Variants in RBFOX1 observed in about 807,000 individuals in gnomAD.
RBFOX1 encodes the protein RNA binding fox-1 homolog 1.
RBFOX1 carries 8 observed loss-of-function variants against 57.7 expected under a neutral mutation model. That is an observed-to-expected ratio of 0.14 (90% confidence interval 0.08 to 0.25). The LOEUF is 0.25. Among genes scored for constraint, RBFOX1 ranks in the 10% least tolerant of loss-of-function variants. The probability of loss-of-function intolerance (pLI) is 1.00; values close to 1 mark genes in which losing one functional copy is unlikely to be tolerated. For synonymous variants in RBFOX1, 326 were observed against 222.4 expected (o/e 1.47, Z -4.15); for missense variants, 611 against 548.5 (o/e 1.11, Z -1.14).
In RBFOX1 at chr16:6,375,505, C is replaced by T. The variant is rs554306901; in HGVS notation, c.-64+58448C>T. Among the ~76,000 whole-genome samples the T allele has an allele frequency of 1.0e-3, 156 of 151,868 alleles. 3 individuals are homozygous for T. In the South Asian group the frequency reaches 0.031, roughly 31 times the overall value. ...TTTTAGGCAGATGATCGTTTCTGGG[C>T]AGGGGGAAAATGCCAAAGCCTGTGC... On this transcript the variant is annotated intron_variant, in intron 2 of 15. Transcript: ENST00000550418.
intron 1 of RBFOX1, among the ~76,000 whole-genome samples, chr16:6,077,711 C>T (rs28367153): frequency 4.1e-4 from 23 of 55,538 alleles, no homozygotes; most frequent in Non-Finnish European, 7.0e-4. Flanking sequence ...TTTATTTATT[C>T]ATTTATGTAT....
intron 3 of RBFOX1, among the ~76,000 whole-genome samples, chr16:5,763,160 A>T (rs35940530): frequency 3.9e-5 from 6 of 152,116 alleles, no homozygotes; most frequent in African/African-American, 1.5e-4. Context: ...ATCTGGCTGG[A>T]TTAGAAGTCC....
chr16:7,379,760 G>T (rs1410916493), intron 4 of RBFOX1, among the ~76,000 whole-genome samples: 1 of 150,406 alleles, frequency 6.6e-6, no homozygotes, highest in Non-Finnish European at 1.5e-5. Flanking sequence ...CTGCCTGCCT[G>T]CCTGCCTTCC....
At chr16:7,646,759 C>T (rs1246238917) in intron 11 of RBFOX1, among the ~76,000 whole-genome samples, 3 of 152,224 alleles carry the variant, frequency 2.0e-5, no homozygotes, top group Non-Finnish European at 2.9e-5. Flanking sequence ...CTTTAATATG[C>T]AGTTTATAAC....
rs190374461 is a variant in RBFOX1, at chr16:6,658,065, C to G, written c.-16+3415C>G. 4.0e-4 allele frequency among the ~76,000 whole-genome samples: 61 copies of G among 152,138 alleles called. No homozygotes were observed. In the East Asian group the frequency reaches 7.9e-3, roughly 20 times the overall value. On this transcript the variant is annotated intron_variant, in intron 3 of 15. Transcript: ENST00000550418. The stretch of plus-strand genomic sequence containing the variant: ...CTTGATAGAAGAATTTTAGAAAAGA[C>G]AAAACCTTAGGTTTTCCATGGAGTC...
At chr16:6,865,386 C>T (rs901620534) in intron 3 of RBFOX1, among the ~76,000 whole-genome samples, 1 of 151,926 alleles carries the variant, frequency 6.6e-6, no homozygotes, top group African/African-American at 2.4e-5. Flanking sequence ...CAGAAAAACA[C>T]AAAGAAGAAA....
Position 6,580,100 on chromosome 16 carries a change from A to G in RBFOX1, c.-63-74503A>G, listed in dbSNP as rs139251953. On this transcript the variant is annotated intron_variant, in intron 2 of 15. Coordinates refer to ENST00000550418, the MANE Select transcript of RBFOX1 (RefSeq NM_018723.4). ...CAGCCTCCCAGGTAGCTGGGATTACAGGTGCCCACCACCGCACCTAGCTAA... is the reference window on the plus strand; with the variant it reads ...CAGCCTCCCAGGTAGCTGGGATTACGGGTGCCCACCACCGCACCTAGCTAA... Among the ~76,000 whole-genome samples, 529 of 152,124 alleles carry G rather than the reference A, an allele frequency of 3.5e-3. 1 individual carries two copies. The highest frequency in any genetic ancestry group is 5.7e-3 in the Non-Finnish European group (390 of 68,002).
intron 2 of RBFOX1, among the ~76,000 whole-genome samples, chr16:6,546,030 C>A (rs772672956): frequency 1.3e-5 from 2 of 152,158 alleles, no homozygotes; most frequent in African/African-American, 4.8e-5. Context: ...AAATAAAATA[C>A]ACAAACACTA....
chr16:7,196,575 G>A (rs2086755539), intron 4 of RBFOX1, among the ~76,000 whole-genome samples: 1 of 152,138 alleles, frequency 6.6e-6, no homozygotes, highest in Non-Finnish European at 1.5e-5. Flanking sequence ...ACAATCCTGA[G>A]CCATGAATAT....
chr16:5,921,591 G>A (rs2058822899), intron 4 of RBFOX1, among the ~76,000 whole-genome samples: 1 of 151,888 alleles, frequency 6.6e-6, no homozygotes, highest in Non-Finnish European at 1.5e-5. Context: ...GTAATGAAGG[G>A]GATGAGAAAT....
At chr16:5,493,688 C>T (rs1418733076) in intron 2 of RBFOX1, among the ~76,000 whole-genome samples, 1 of 152,216 alleles carries the variant, frequency 6.6e-6, no homozygotes, top group East Asian at 1.9e-4. Flanking sequence ...CCAGTGAGGC[C>T]ATGCCGAGTG....
chr16:7,070,088 G>A (rs1352277043), intron 4 of RBFOX1, among the ~76,000 whole-genome samples: 1 of 152,158 alleles, frequency 6.6e-6, no homozygotes, highest in African/African-American at 2.4e-5. Context: ...GTTGTAGGAT[G>A]TGGATTCTTG....
At chr16:7,045,520 C>T (rs544167771) in intron 3 of RBFOX1, among the ~76,000 whole-genome samples, 1 of 152,176 alleles carries the variant, frequency 6.6e-6, no homozygotes, top group African/African-American at 2.4e-5. Context: ...AATGTGGTGC[C>T]ACTTCACATG....
chr16:7,075,741 C>A (rs12931221), intron 4 of RBFOX1, among the ~76,000 whole-genome samples: 1 of 151,804 alleles, frequency 6.6e-6, no homozygotes, highest in African/African-American at 2.4e-5. Context: ...CCACCACGCT[C>A]GGCTAATTTT....
chr16:7,168,296 G>A (rs2079980091), intron 4 of RBFOX1, among the ~76,000 whole-genome samples: 1 of 152,078 alleles, frequency 6.6e-6, no homozygotes, highest in Non-Finnish European at 1.5e-5. Context: ...AGCATGAAAT[G>A]GACCAAGGTC....
intron 3 of RBFOX1, among the ~76,000 whole-genome samples, chr16:6,835,437 A>G (rs1459162527): frequency 6.6e-6 from 1 of 152,080 alleles, no homozygotes; most frequent in Admixed American, 6.5e-5. Context: ...TCCAAATCTC[A>G]GTGCCTTAAC....
intron 3 of RBFOX1, among the ~76,000 whole-genome samples, chr16:6,663,677 C>T (rs1465929883): frequency 2.0e-5 from 3 of 152,188 alleles, no homozygotes; most frequent in Non-Finnish European, 4.4e-5. Flanking sequence ...TTTCTGTTTC[C>T]AATGTCCTTT....
At chr16:7,447,558 C>T (rs1412749315) in intron 4 of RBFOX1, among the ~76,000 whole-genome samples, 1 of 152,106 alleles carries the variant, frequency 6.6e-6, no homozygotes, top group Non-Finnish European at 1.5e-5. Context: ...AGCCCAGTCA[C>T]CTTCTCATTA....
chr16:5,714,429 G>C (rs911503051), intron 3 of RBFOX1, among the ~76,000 whole-genome samples: 7 of 152,172 alleles, frequency 4.6e-5, no homozygotes, highest in African/African-American at 1.7e-4. Context: ...GAATAGAGAC[G>C]TGCCCAGCTG....
Sources: allele counts gnomAD v4.1 joint callset (sites outside exome capture counted in the v4.1 genomes callset), GRCh38; gene constraint gnomAD v4.1.1; transcripts MANE v1.5; gene names NCBI Gene and HGNC (gene_info 2026-07-23, HGNC 2026-07-21).